Variants in TANK observed in about 807,000 individuals in gnomAD.
The protein encoded by TANK is TRAF family member-associated NF-kappa-B activator.
In TANK, 15 loss-of-function variants were observed where a neutral mutation model predicts 43.6. That is an observed-to-expected ratio of 0.34 (90% CI 0.23 to 0.53). The LOEUF (loss-of-function observed/expected upper bound fraction) is 0.53. Ranked by LOEUF, TANK falls within the 20% of genes least tolerant of loss-of-function variation. The pLI is 0.94. For missense variants in TANK, 417 were observed against 498.6 expected, an observed-to-expected ratio of 0.84 and a Z score of 1.56; for synonymous variants, 162 against 178.2, an observed-to-expected ratio of 0.91 and a Z score of 0.73.
chr2:161,188,657 C>T (rs1286538246), intron 2 of TANK, among the ~76,000 whole-genome samples: 1 of 152,182 alleles, frequency 6.6e-6, no homozygotes, highest in African/African-American at 2.4e-5. Flanking sequence ...GTATGTAACA[C>T]TTCCTTACCC....
At chr2:161,192,461 T>G (rs1389012992) in intron 2 of TANK, among the ~76,000 whole-genome samples, 2 of 152,212 alleles carry the variant, frequency 1.3e-5, no homozygotes, top group African/African-American at 4.8e-5. Context: ...CTAAATTGTG[T>G]TTTTCTCTTT....
chr2:161,185,407 CAA>C (rs1443086051), intron 2 of TANK, among the ~76,000 whole-genome samples: 7 of 151,296 alleles, frequency 4.6e-5, no homozygotes, highest in Non-Finnish European at 7.4e-5. Context: ...GAAGTAAAGA[CAA>C]TATAAACCAC....
In TANK at chr2:161,231,211, G is replaced by A. The variant is rs1462854989; in HGVS notation, c.761G>A (p.Gly254Asp). The A allele has an allele frequency of 6.2e-7, 1 of 1,613,910 alleles. No homozygotes were observed. The highest frequency in any genetic ancestry group is 1.1e-5 in the South Asian group (1 of 91,080). Residue 254 changes from glycine to aspartate, a missense_variant, in exon 7 of 8, where the codon GGC becomes GAC. Coordinates refer to ENST00000392749, the MANE Select transcript of TANK (RefSeq NM_001199135.3). Reference sequence around the variant, plus strand: ...TTACATAGCACTCCAGAGAGACCCGGCATCCTTAGTCCTGCCACGTCTGAG... The same window carrying A: ...TTACATAGCACTCCAGAGAGACCCGACATCCTTAGTCCTGCCACGTCTGAG... Reference protein sequence around the residue: ...TFLHSTPERPGILSPATSEAV... With the variant: ...TFLHSTPERPDILSPATSEAV...
chr2:161,232,966 T>G, intron 7 of TANK: 1 of 1,055,554 alleles, frequency 9.5e-7, no homozygotes, highest in African/African-American at 1.6e-5. Context: ...TGTTACAGTT[T>G]AGGATGGAAA....
At chr2:161,175,949 A>C (rs1573986407) in intron 1 of TANK, among the ~76,000 whole-genome samples, 2 of 152,140 alleles carry the variant, frequency 1.3e-5, no homozygotes, top group Non-Finnish European at 2.9e-5. Context: ...GGGATTTCAG[A>C]ATTTTTTTCT....
intron 4 of TANK, among the ~76,000 whole-genome samples, chr2:161,213,236 C>T (rs911164351): frequency 4.6e-5 from 7 of 152,130 alleles, no homozygotes; most frequent in African/African-American, 9.7e-5. Context: ...GAGTTGGAGG[C>T]GACAAGTATC....
At chr2:161,202,634 T>C (rs1686472422) in intron 2 of TANK, among the ~76,000 whole-genome samples, 1 of 152,206 alleles carries the variant, frequency 6.6e-6, no homozygotes. Flanking sequence ...TAGAACTTCA[T>C]TTTCATTTTA....
intron 7 of TANK, chr2:161,232,656 G>T (rs1687976168): frequency 7.1e-7 from 1 of 1,410,928 alleles, no homozygotes; most frequent in Non-Finnish European, 9.4e-7. Flanking sequence ...TAGAATTCCT[G>T]TGGAGCTGTG....
At chr2:161,222,243 T>C (rs902510177) in intron 4 of TANK, among the ~76,000 whole-genome samples, 3 of 152,042 alleles carry the variant, frequency 2.0e-5, no homozygotes, top group African/African-American at 7.2e-5. Flanking sequence ...AGGGCATTAC[T>C]CTTTTTTTTG....
intron 2 of TANK, among the ~76,000 whole-genome samples, chr2:161,190,896 C>A (rs62194241): frequency 8.6e-5 from 13 of 152,008 alleles, no homozygotes; most frequent in Non-Finnish European, 1.9e-4. Flanking sequence ...GGCTGCACAA[C>A]AATGTGAATT....
Position 161,211,468 on chromosome 2 carries a change from A to G in TANK, c.327+6675A>G, listed in dbSNP as rs555974795. ...GGTACCTGGTTTTATATTCATTGTA[A>G]AAGCTTTAAAATGGTTTATAGGTAA... On this transcript the variant is annotated intron_variant, in intron 4 of 7. Coordinates refer to ENST00000392749, the MANE Select transcript of TANK (RefSeq NM_001199135.3). 8.5e-4 allele frequency among the ~76,000 whole-genome samples: 130 copies of G among 152,286 alleles called. 2 individuals carry two copies. Among genetic ancestry groups the G allele is most frequent in the African/African-American group, 2.9e-3 (119 of 41,546 alleles).
In TANK at chr2:161,203,559, C is replaced by T; in HGVS notation, c.172C>T (p.Leu58=). ...ACTTCAACAGACTATTATTGACAAGCTAAAATCTCAGTTACTTCTTGTGAA... is the reference window on the plus strand; with the variant it reads ...ACTTCAACAGACTATTATTGACAAGTTAAAATCTCAGTTACTTCTTGTGAA... The part of the protein sequence containing the change: ...LSLQQTIIDK[L]KSQLLLVNST... The change falls in exon 3 of 8, where the codon CTA becomes TTA. Residue 58 remains leucine (L), a synonymous_variant. Transcript: ENST00000392749. 1 of 1,611,388 alleles carries T rather than the reference C, an allele frequency of 6.2e-7. No individual in the cohort carries two copies. The highest frequency in any genetic ancestry group is 8.5e-7 in the Non-Finnish European group (1 of 1,178,936).
intron 4 of TANK, among the ~76,000 whole-genome samples, chr2:161,213,793 T>C (rs1217701904): frequency 1.3e-5 from 2 of 151,926 alleles, no homozygotes; most frequent in Non-Finnish European, 2.9e-5. Flanking sequence ...TTTTTAGCGA[T>C]TGTGGATAGT....
In TANK at chr2:161,201,215, A is replaced by G. The variant is rs373715267; in HGVS notation, c.100-2272A>G. On this transcript the variant is annotated intron_variant, in intron 2 of 7. Coordinates refer to ENST00000392749, the MANE Select transcript of TANK (RefSeq NM_001199135.3). Reference sequence around the variant, plus strand: ...ATAATACTTTATTAAGTAGCTTAAGAAGTAGTTAAAACTTCAATTTGAAAT... The same window carrying G: ...ATAATACTTTATTAAGTAGCTTAAGGAGTAGTTAAAACTTCAATTTGAAAT... 8 of 981,968 alleles carry G rather than the reference A, an allele frequency of 8.1e-6. No individual in the cohort carries two copies. The East Asian group carries it at 9.1e-4, about 111-fold the overall frequency. 60.8% of individuals were successfully genotyped at this position (981,968 alleles called of 1,614,324 possible).
chr2:161,139,423 T>C (rs1009074137), intron 1 of TANK, among the ~76,000 whole-genome samples: 6 of 152,218 alleles, frequency 3.9e-5, no homozygotes, highest in South Asian at 2.1e-4. Flanking sequence ...CAATGTCTTT[T>C]TGATATCATT....
chr2:161,148,712 G>A (rs750873190), intron 1 of TANK, among the ~76,000 whole-genome samples: 2 of 152,146 alleles, frequency 1.3e-5, no homozygotes, highest in Non-Finnish European at 2.9e-5. Context: ...TGAGGTAGGG[G>A]TCCACCTTCT....
In TANK at chr2:161,224,694, A is replaced by G. The variant is rs758956227; in HGVS notation, c.468A>G (p.Ala156=). The G allele has an allele frequency of 6.3e-7, 1 of 1,592,708 alleles. No individual in the cohort carries two copies. Among genetic ancestry groups the G allele is most frequent in the South Asian group, 1.2e-5 (1 of 86,764 alleles). ...KEEFHKICML[A]KAQKDHLSKL... The stretch of plus-strand genomic sequence containing the variant: ...AATTTCATAAAATATGCATGCTAGC[A>G]AAAGCACAGAAAGACCACTTAAGCA... Residue 156 remains alanine, a synonymous_variant, in exon 6 of 8, where the codon GCA becomes GCG. Coordinates refer to ENST00000392749, the MANE Select transcript of TANK (RefSeq NM_001199135.3).
At chr2:161,149,818 C>T (rs866134389) in intron 1 of TANK, among the ~76,000 whole-genome samples, 17 of 151,456 alleles carry the variant, frequency 1.1e-4, no homozygotes, top group Admixed American at 5.9e-4. Flanking sequence ...ACCACCCTTG[C>T]GTTACAGGGA....
intron 1 of TANK, among the ~76,000 whole-genome samples, chr2:161,174,761 A>G (rs1685104889): frequency 6.6e-6 from 1 of 152,160 alleles, no homozygotes; most frequent in South Asian, 2.1e-4. Context: ...CGTCATGTTT[A>G]TAGTAACCAT....
Sources: gnomAD v4.1 joint callset for allele counts (sites outside exome capture counted in the v4.1 genomes callset) on GRCh38, gnomAD v4.1.1 for gene constraint, MANE v1.5 for transcripts, NCBI Gene and HGNC (gene_info 2026-07-23, HGNC 2026-07-21) for gene names.